Variants in DGKI observed in about 807,000 individuals in gnomAD.
DGKI encodes the protein diacylglycerol kinase iota.
In DGKI, 55 loss-of-function variants were observed where a neutral mutation model predicts 147.5. The ratio of observed to expected loss-of-function variants is 0.37; its 90% CI spans 0.30 to 0.47. DGKI has a LOEUF of 0.47. Among genes scored for constraint, DGKI ranks in the 20% least tolerant of loss-of-function variants. The probability of loss-of-function intolerance (pLI) is 1.00; values close to 1 mark genes in which losing one functional copy is unlikely to be tolerated. For missense variants in DGKI, 1,007 were observed against 1,323.8 expected, an observed-to-expected ratio of 0.76 and a Z score of 3.71; for synonymous variants, 469 against 477.1, an observed-to-expected ratio of 0.98 and a Z score of 0.22.
intron 32 of DGKI, among the ~76,000 whole-genome samples, chr7:137,392,157 G>T (rs11766321): frequency 0.28 from 42,911 of 151,938 alleles, 6,997 homozygotes; most frequent in Admixed American, 0.36. Context: ...ACATCAACAT[G>T]TTAAATGATC....
intron 1 of DGKI, among the ~76,000 whole-genome samples, chr7:137,735,328 C>G (rs1392282085): frequency 6.6e-6 from 1 of 152,104 alleles, no homozygotes; most frequent in Non-Finnish European, 1.5e-5. Context: ...TTCATTGCTT[C>G]CTTCTTTTGT....
intron 18 of DGKI, 126 bp downstream of exon 18, chr7:137,572,639 A>T: frequency 1.5e-6 from 1 of 651,940 alleles, no homozygotes; most frequent in Non-Finnish European, 2.7e-6. Context: ...AGACCTAGAA[A>T]TCTTTAATTA....
chr7:137,730,244 C>T (rs577151654), intron 1 of DGKI, among the ~76,000 whole-genome samples: 3 of 152,218 alleles, frequency 2.0e-5, no homozygotes, highest in South Asian at 4.1e-4. Context: ...AACCAGATCA[C>T]AGTCTGTCTA....
In DGKI at chr7:137,567,264, C is replaced by CA. The variant is rs3083517; in HGVS notation, c.1947+3910dup. The stretch of plus-strand genomic sequence containing the variant: ...GGGCAACAAGAGCAAAACTCCATCT[C>CA]AAAAAAAAAAAAAAGAGAATTAGAA... On this transcript the variant is annotated intron_variant, in intron 19 of 32. Coordinates refer to ENST00000614521, the MANE Select transcript of DGKI (RefSeq NM_001321708.2). Among the ~76,000 whole-genome samples the CA allele has an allele frequency of 4.6e-3, 572 of 124,560 alleles. 4 individuals carry two copies. Among genetic ancestry groups the CA allele is most frequent in the African/African-American group, 6.4e-3 (224 of 35,016 alleles). The allele number at this position is 124,560 out of a possible 152,430, so 81.7% of individuals were successfully genotyped here.
intron 21 of DGKI, among the ~76,000 whole-genome samples, chr7:137,521,397 C>A (rs1341638282): frequency 1.3e-5 from 2 of 152,028 alleles, no homozygotes; most frequent in African/African-American, 4.8e-5. Flanking sequence ...TCACAACATT[C>A]CCGTAGGCCC....
intron 21 of DGKI, among the ~76,000 whole-genome samples, chr7:137,517,311 G>GAAAGAA (rs1816797980): frequency 1.0e-5 from 1 of 98,570 alleles, no homozygotes; most frequent in Non-Finnish European, 1.9e-5. Flanking sequence ...AAGAAAGAAA[G>GAAAGAA]AAAGAAAGAA....
In DGKI at chr7:137,391,245, T is replaced by C. The variant is rs771542495; in HGVS notation, c.3149A>G (p.His1050Arg). 8 of 1,613,954 alleles carry C rather than the reference T, an allele frequency of 5.0e-6. No homozygotes were observed. In the East Asian group the frequency reaches 8.9e-5, roughly 18 times the overall value. Reference sequence around the variant, plus strand: ...TCAAACAGCAGTTTCCAGGTCCTCATGGCCAATGACCTTATAGTTCTGACG... The same window carrying C: ...TCAAACAGCAGTTTCCAGGTCCTCACGGCCAATGACCTTATAGTTCTGACG... ...ESRQNYKVIG[H>R]EDLETAV The change falls in exon 33 of 33, where the codon CAT (histidine) becomes CGT (arginine). Residue 1050 changes from histidine to arginine, a missense_variant. By Grantham distance (29) the His-to-Arg change is conservative. Transcript: ENST00000614521.
rs1413711362 is a variant in DGKI, at chr7:137,412,210, G to A, written c.2762-3C>T. ...AGCTATTACTGCCTGCAAAATTGCT[G>A]TGAAAGACAAAAGAGAGATGTCCCA... On this transcript the variant is annotated splice_region_variant and splice_polypyrimidine_tract_variant and intron_variant, in intron 28 of 32. Transcript: ENST00000614521. 1 of 1,613,256 alleles carries A rather than the reference G, an allele frequency of 6.2e-7. No individual in the cohort carries two copies. The highest frequency in any genetic ancestry group is 8.5e-7 in the Non-Finnish European group (1 of 1,179,320).
At chr7:137,397,505 G>A (rs1410930938) in intron 30 of DGKI, 92 bp from the exon 31 acceptor site, 1 of 1,286,038 alleles carries the variant, frequency 7.8e-7, no homozygotes, top group Non-Finnish European at 1.1e-6. Context: ...AAAATGCCTT[G>A]GAAAGCTAAA....
chr7:137,648,239 G>A (rs1821900702), intron 5 of DGKI, among the ~76,000 whole-genome samples: 1 of 152,176 alleles, frequency 6.6e-6, no homozygotes, highest in African/African-American at 2.4e-5. Flanking sequence ...TAATTATTGA[G>A]ATTATAAATC....
intron 21 of DGKI, among the ~76,000 whole-genome samples, chr7:137,501,492 G>A (rs1367649941): frequency 1.3e-5 from 2 of 152,118 alleles, no homozygotes; most frequent in Non-Finnish European, 2.9e-5. Flanking sequence ...CCCATCAACA[G>A]TGTAGAGTTT....
At chr7:137,693,807 TGAGA>T (rs1823690309) in intron 1 of DGKI, among the ~76,000 whole-genome samples, 1 of 152,186 alleles carries the variant, frequency 6.6e-6, no homozygotes, top group Admixed American at 6.5e-5. Flanking sequence ...TATTCTTGCC[TGAGA>T]GAGTCAGAAA....
intron 1 of DGKI, among the ~76,000 whole-genome samples, chr7:137,839,051 A>C (rs1281739996): frequency 6.6e-6 from 1 of 152,174 alleles, no homozygotes; most frequent in East Asian, 1.9e-4. Flanking sequence ...GACACTGTGA[A>C]GCTCTGAGAC....
At chr7:137,595,799 C>T (rs544282359) in intron 12 of DGKI, among the ~76,000 whole-genome samples, 53 of 151,538 alleles carry the variant, frequency 3.5e-4, no homozygotes, top group Non-Finnish European at 6.9e-4. Flanking sequence ...GTCAGGAGAT[C>T]GAGACCATCC....
intron 21 of DGKI, among the ~76,000 whole-genome samples, chr7:137,505,980 G>A (rs916171007): frequency 1.6e-4 from 25 of 152,270 alleles, no homozygotes; most frequent in African/African-American, 6.0e-4. Flanking sequence ...GGGATGTGGA[G>A]CAATAGGAAC....
intron 32 of DGKI, among the ~76,000 whole-genome samples, chr7:137,392,960 T>G (rs1212896992): frequency 6.6e-6 from 1 of 152,194 alleles, no homozygotes; most frequent in Non-Finnish European, 1.5e-5. Flanking sequence ...GAAGTATAGC[T>G]ATATTATTTC....
At chr7:137,522,066 A>AC in intron 20 of DGKI, 100 bp from the exon 21 acceptor site, 2 of 804,168 alleles carry the variant, frequency 2.5e-6, no homozygotes, top group South Asian at 1.7e-5. Context: ...TCATGTTTAG[A>AC]AGGAAGAGTT....
chr7:137,507,892 G>A (rs1816422883), intron 21 of DGKI, among the ~76,000 whole-genome samples: 2 of 152,224 alleles, frequency 1.3e-5, no homozygotes, highest in African/African-American at 4.8e-5. Flanking sequence ...ACGAGGAGCT[G>A]TGAAGAAAAT....
intron 1 of DGKI, among the ~76,000 whole-genome samples, chr7:137,734,587 C>T (rs1317797945): frequency 1.3e-5 from 2 of 151,936 alleles, no homozygotes; most frequent in Non-Finnish European, 2.9e-5. Context: ...TATCCACCTT[C>T]GAAGCAGATT....
Sources: gnomAD v4.1 joint callset for allele counts (sites outside exome capture counted in the v4.1 genomes callset) on GRCh38, gnomAD v4.1.1 for gene constraint, MANE v1.5 for transcripts, NCBI Gene and HGNC (gene_info 2026-07-23, HGNC 2026-07-21) for gene names.